SLFN12L: variants seen among roughly 807,000 people sequenced by gnomAD.
SLFN12L encodes schlafen family member 12-like.
In SLFN12L, 34 loss-of-function variants were observed where a neutral mutation model predicts 34.8. The ratio of observed to expected loss-of-function variants is 0.98; its 90% CI spans 0.74 to 1.30. SLFN12L has a LOEUF of 1.30. Among genes scored for constraint, SLFN12L ranks in the 50% most tolerant of loss-of-function variants. The pLI is 0.00. For synonymous variants in SLFN12L, 259 were observed against 247.5 expected (o/e 1.05, Z -0.44); for missense variants, 703 against 696.2 (o/e 1.01, Z -0.11).
chr17:35,490,611 C>G (rs1460520911), intron 2 of SLFN12L: 1 of 840,304 alleles, frequency 1.2e-6, no homozygotes, highest in Non-Finnish European at 2.1e-6. Flanking sequence ...AAGAAATGAC[C>G]AAGCTCACTC....
intron 1 of SLFN12L, among the ~76,000 whole-genome samples, chr17:35,534,795 A>G (rs917350483): frequency 1.3e-5 from 2 of 152,216 alleles, no homozygotes; most frequent in Non-Finnish European, 2.9e-5. Context: ...AAAGGGAGAA[A>G]GGATCCAAAT....
At chr17:35,493,333 T>A (rs1914916603) in intron 2 of SLFN12L, among the ~76,000 whole-genome samples, 2 of 152,298 alleles carry the variant, frequency 1.3e-5, no homozygotes, top group South Asian at 4.1e-4. Context: ...TGCCAAGCTT[T>A]CCCCTATTTC....
intron 2 of SLFN12L, among the ~76,000 whole-genome samples, chr17:35,499,386 A>G (rs1336962456): frequency 6.6e-6 from 1 of 152,234 alleles, no homozygotes; most frequent in Admixed American, 6.5e-5. Flanking sequence ...GTAACTTAAC[A>G]TTATTAATGA....
At position 35,469,923 on chromosome 17, in the gene SLFN12L, T is replaced by C. The variant is rs921807601; in HGVS notation, c.*5000A>G. Reference sequence around the variant, plus strand: ...ACCTTTCCCACAGAAACCCTAATAATAAAGGTTCCGAATTAGATTTTCCCC... The same window carrying C: ...ACCTTTCCCACAGAAACCCTAATAACAAAGGTTCCGAATTAGATTTTCCCC... On this transcript the variant is annotated 3_prime_UTR_variant, in exon 5 of 5. Transcript: ENST00000628453. 4 of 152,230 alleles carry C rather than the reference T, an allele frequency of 2.6e-5. No individual in the cohort carries two copies. The highest frequency in any genetic ancestry group is 9.7e-5 in the African/African-American group (4 of 41,434). 9.4% of individuals were successfully genotyped at this position (152,230 alleles called of 1,614,324 possible).
At chr17:35,530,539 AAAG>A (rs2072400848) in intron 1 of SLFN12L, among the ~76,000 whole-genome samples, 1 of 22,476 alleles carries the variant, frequency 4.4e-5, no homozygotes, top group South Asian at 1.5e-3. Context: ...AAAGAAAAGA[AAAG>A]AAAGAAAGAA....
At chr17:35,518,172 A>G (rs1241078745) in intron 2 of SLFN12L, among the ~76,000 whole-genome samples, 1 of 152,240 alleles carries the variant, frequency 6.6e-6, no homozygotes, top group East Asian at 1.9e-4. Flanking sequence ...TCCAGGATCT[A>G]CAAGGAACTT....
chr17:35,491,237 G>GT, intron 2 of SLFN12L: 1 of 1,092,072 alleles, frequency 9.2e-7, no homozygotes, highest in Non-Finnish European at 1.3e-6. Context: ...TTCAAGTGTA[G>GT]TTGATTATGC....
intron 2 of SLFN12L, among the ~76,000 whole-genome samples, chr17:35,508,420 C>G (rs772769640): frequency 2.0e-4 from 31 of 152,208 alleles, no homozygotes; most frequent in Non-Finnish European, 3.4e-4. Flanking sequence ...GATCTCAGCT[C>G]ACTGCAATGT....
At chr17:35,507,853 G>A (rs909905856) in intron 2 of SLFN12L, among the ~76,000 whole-genome samples, 6 of 152,228 alleles carry the variant, frequency 3.9e-5, no homozygotes, top group Admixed American at 3.9e-4. Flanking sequence ...GACATGGGTA[G>A]TGAGAATGAA....
intron 2 of SLFN12L, among the ~76,000 whole-genome samples, chr17:35,484,564 A>G (rs985615857): frequency 6.6e-6 from 1 of 152,134 alleles, no homozygotes; most frequent in African/African-American, 2.4e-5. Context: ...CAGAACTACT[A>G]GCATCCCTGT....
At chr17:35,527,632 G>T (rs1258637059) in intron 1 of SLFN12L, among the ~76,000 whole-genome samples, 1 of 152,008 alleles carries the variant, frequency 6.6e-6, no homozygotes, top group East Asian at 1.9e-4. Context: ...TGCAGAAAAG[G>T]CCTTCAACAA....
At chr17:35,489,968 G>C in intron 2 of SLFN12L, 1 of 1,481,992 alleles carries the variant, frequency 6.7e-7, no homozygotes, top group East Asian at 2.3e-5. Flanking sequence ...TTTTTAAAAA[G>C]AACCCTTAGC....
At chr17:35,495,404 C>T (rs1915013944) in intron 2 of SLFN12L, among the ~76,000 whole-genome samples, 3 of 152,148 alleles carry the variant, frequency 2.0e-5, no homozygotes. Context: ...TAAATACGTA[C>T]AGTTTCATGT....
At chr17:35,485,429 T>A (rs1305145885) in intron 2 of SLFN12L, among the ~76,000 whole-genome samples, 1 of 152,224 alleles carries the variant, frequency 6.6e-6, no homozygotes, top group Non-Finnish European at 1.5e-5. Flanking sequence ...TATTAGTCTT[T>A]TGTTGGATGC....
rs1330677263 is a variant in SLFN12L, at chr17:35,472,323, A to T, written c.*2600T>A. The stretch of plus-strand genomic sequence containing the variant: ...TTAATTTTTGTATAAGGTGTAAGGA[A>T]GGGATCCAGTTTCAGTTTTCTGCAT... On this transcript the variant is annotated 3_prime_UTR_variant, in exon 5 of 5. Transcript: ENST00000628453. 6.6e-6 allele frequency among the ~76,000 whole-genome samples: 1 copy of T among 152,192 alleles called. No homozygotes were observed. Among genetic ancestry groups the T allele is most frequent in the African/African-American group, 2.4e-5 (1 of 41,436 alleles).
intron 2 of SLFN12L, among the ~76,000 whole-genome samples, chr17:35,508,565 G>A (rs1292057122): frequency 2.6e-5 from 4 of 152,252 alleles, no homozygotes; most frequent in Admixed American, 2.6e-4. Flanking sequence ...AGCCAGGATG[G>A]TCTCAATCTC....
chr17:35,491,986 T>C (rs1025589640), intron 2 of SLFN12L, among the ~76,000 whole-genome samples: 2 of 152,214 alleles, frequency 1.3e-5, no homozygotes, highest in African/African-American at 4.8e-5. Context: ...CCCAATGTGT[T>C]TGTGAGTTTC....
chr17:35,505,511 A>G (rs2142154203), intron 2 of SLFN12L, among the ~76,000 whole-genome samples: 1 of 152,338 alleles, frequency 6.6e-6, no homozygotes, highest in African/African-American at 2.4e-5. Flanking sequence ...ATTGGCTAAC[A>G]AATGCTAGAT....
intron 2 of SLFN12L, among the ~76,000 whole-genome samples, chr17:35,496,075 G>T (rs1225827139): frequency 6.6e-6 from 1 of 151,940 alleles, no homozygotes; most frequent in African/African-American, 2.4e-5. Flanking sequence ...CCCCACCCCC[G>T]GAACGGCTGT....
Sources: gnomAD v4.1 joint callset for allele counts (sites outside exome capture counted in the v4.1 genomes callset) on GRCh38, gnomAD v4.1.1 for gene constraint, MANE v1.5 for transcripts, NCBI Gene and HGNC (gene_info 2026-07-23, HGNC 2026-07-21) for gene names.